The following RNF130 variants were observed in gnomAD, a reference collection of about 807,000 sequenced individuals.
RNF130 encodes E3 ubiquitin-protein ligase RNF130.
In RNF130, 21 loss-of-function variants were observed where a neutral mutation model predicts 44.6. That is an observed-to-expected ratio of 0.47 (90% CI 0.33 to 0.68). The LOEUF is 0.68. RNF130 is among the 30% of genes least tolerant of loss of function. The pLI, the probability that RNF130 is intolerant of heterozygous loss-of-function variation, is 0.02. For synonymous variants in RNF130, 214 were observed against 210.4 expected (o/e 1.02, Z -0.15); for missense variants, 479 against 560.6 (o/e 0.85, Z 1.47).
chr5:179,936,847 T>C (rs527869859), intron 7 of RNF130, among the ~76,000 whole-genome samples: 1 of 152,266 alleles, frequency 6.6e-6, no homozygotes, highest in Admixed American at 6.5e-5. Flanking sequence ...CCAAGACCAC[T>C]CAGTGGGGGA....
intron 3 of RNF130, among the ~76,000 whole-genome samples, chr5:179,991,411 T>C (rs1172946170): frequency 1.3e-5 from 2 of 152,262 alleles, no homozygotes; most frequent in Admixed American, 6.5e-5. Context: ...TAAGTTGTTT[T>C]CATCAATTAT....
intron 2 of RNF130, among the ~76,000 whole-genome samples, chr5:180,032,597 C>T (rs572288166): frequency 2.0e-5 from 3 of 152,244 alleles, no homozygotes; most frequent in South Asian, 4.1e-4. Flanking sequence ...AAAGACTGTC[C>T]TTCCCTCACT....
intron 7 of RNF130, among the ~76,000 whole-genome samples, chr5:179,946,211 GC>G (rs1188499066): frequency 1.3e-5 from 2 of 152,222 alleles, no homozygotes. Context: ...GATCTGAAAA[GC>G]AAGCAAGCAT....
At chr5:180,000,345 G>A (rs1368768338) in intron 3 of RNF130, among the ~76,000 whole-genome samples, 1 of 152,062 alleles carries the variant, frequency 6.6e-6, no homozygotes, top group Non-Finnish European at 1.5e-5. Context: ...TTTCACTCTC[G>A]ACAATTTGAC....
chr5:179,943,974 ATTT>A (rs1428173573), intron 7 of RNF130, among the ~76,000 whole-genome samples: 1 of 145,992 alleles, frequency 6.8e-6, no homozygotes. Flanking sequence ...TTTCTGAGAA[ATTT>A]TTTTTTTTTT....
chr5:179,916,259 G>A (rs899073642), exon 8 of RNF130: 11 of 152,180 alleles, frequency 7.2e-5, no homozygotes, highest in South Asian at 2.1e-4. Flanking sequence ...CCGGGCGTGC[G>A]TGGCATGAGC....
chr5:179,978,774 T>C (rs535557378), intron 4 of RNF130, among the ~76,000 whole-genome samples: 1 of 152,318 alleles, frequency 6.6e-6, no homozygotes, highest in African/African-American at 2.4e-5. Context: ...GAGCTGTGAA[T>C]CTGGTCACAG....
chr5:180,042,205 G>C (rs559957176), intron 1 of RNF130, among the ~76,000 whole-genome samples: 2 of 152,316 alleles, frequency 1.3e-5, no homozygotes, highest in South Asian at 4.1e-4. Context: ...AGTAACTTCA[G>C]AGAACTATTA....
At chr5:179,988,671 A>G (rs1480879576) in intron 3 of RNF130, among the ~76,000 whole-genome samples, 1 of 152,194 alleles carries the variant, frequency 6.6e-6, no homozygotes, top group Non-Finnish European at 1.5e-5. Context: ...GGCAGTGATC[A>G]TGTTGTTTAG....
chr5:180,054,019 G>T (rs973763562), intron 1 of RNF130, among the ~76,000 whole-genome samples: 19 of 151,940 alleles, frequency 1.3e-4, no homozygotes, highest in African/African-American at 4.1e-4. Flanking sequence ...GTTTCACTAT[G>T]TTGGCCAGGA....
chr5:179,979,553 C>T (rs534115583), intron 4 of RNF130, among the ~76,000 whole-genome samples: 27 of 152,070 alleles, frequency 1.8e-4, no homozygotes, highest in Non-Finnish European at 2.8e-4. Flanking sequence ...AATGTAGGGG[C>T]AGCACTAAGA....
At chr5:179,929,967 G>A (rs554077618) in intron 7 of RNF130, among the ~76,000 whole-genome samples, 5 of 152,160 alleles carry the variant, frequency 3.3e-5, no homozygotes, top group South Asian at 2.1e-4. Context: ...AAAGCCTTGC[G>A]TATCTTCTCT....
chr5:179,981,060 G>T (rs1762825443), intron 3 of RNF130, among the ~76,000 whole-genome samples: 1 of 152,170 alleles, frequency 6.6e-6, no homozygotes, highest in Admixed American at 6.5e-5. Flanking sequence ...ACTAAGACTG[G>T]GAAGGGGTTA....
intron 6 of RNF130, among the ~76,000 whole-genome samples, chr5:179,967,577 G>A (rs1417813496): frequency 6.6e-6 from 1 of 152,216 alleles, no homozygotes; most frequent in Non-Finnish European, 1.5e-5. Flanking sequence ...TCCTGAGGGA[G>A]AGGTATAGAG....
chr5:180,070,242 C>T (rs972447201), intron 1 of RNF130, among the ~76,000 whole-genome samples: 8 of 152,196 alleles, frequency 5.3e-5, no homozygotes, highest in Non-Finnish European at 1.2e-4. Flanking sequence ...AAAGTTGTTT[C>T]TACGGCCAAG....
intron 5 of RNF130, 134 bp downstream of exon 5, chr5:179,978,069 A>G (rs1762756581): frequency 1.4e-6 from 1 of 715,766 alleles, no homozygotes; most frequent in Non-Finnish European, 2.5e-6. Context: ...ATGGCCAGCA[A>G]TGCACAGCGG....
intron 8 of RNF130, among the ~76,000 whole-genome samples, chr5:179,959,752 G>A (rs1034380933): frequency 6.6e-6 from 1 of 152,156 alleles, no homozygotes; most frequent in Non-Finnish European, 1.5e-5. Context: ...CTAAGAGGAG[G>A]AAGATCACCG....
chr5:180,000,012 TG>T (rs1763298028), intron 3 of RNF130, among the ~76,000 whole-genome samples: 1 of 152,228 alleles, frequency 6.6e-6, no homozygotes, highest in Non-Finnish European at 1.5e-5. Context: ...TTCTCCTTTG[TG>T]TATCTGCTCT....
At chr5:180,010,693 C>T (rs1439308874) in intron 3 of RNF130, among the ~76,000 whole-genome samples, 1 of 151,966 alleles carries the variant, frequency 6.6e-6, no homozygotes, top group African/African-American at 2.4e-5. Flanking sequence ...CTTGAAATGA[C>T]AAAACTATAG....
Sources: gnomAD v4.1 joint callset for allele counts (sites outside exome capture counted in the v4.1 genomes callset) on GRCh38, gnomAD v4.1.1 for gene constraint, MANE v1.5 for transcripts, NCBI Gene and HGNC (gene_info 2026-07-23, HGNC 2026-07-21) for gene names.